LHX6: variants seen among roughly 807,000 people sequenced by gnomAD.
LHX6 encodes the protein LIM homeobox 6.
In LHX6, 15 loss-of-function variants were observed where a neutral mutation model predicts 47.1. The observed-to-expected ratio is 0.32, with a 90% CI of 0.21 to 0.49. The LOEUF (loss-of-function observed/expected upper bound fraction) is 0.49, where lower values mean the gene tolerates loss of function less well. LHX6 is among the 20% of genes least tolerant of loss of function. The pLI, the probability that LHX6 is intolerant of heterozygous loss-of-function variation, is 0.99. For missense variants in LHX6, 404 were observed against 539.6 expected (o/e 0.75, Z 2.49); for synonymous variants, 242 against 233.5 (o/e 1.04, Z -0.33).
At chr9:122,227,317 GAGC>G in intron 2 of LHX6, 89 bp downstream of exon 2, 1 of 1,255,998 alleles carries the variant, frequency 8.0e-7, no homozygotes, top group Non-Finnish European at 1.1e-6. Flanking sequence ...CCCAGAGCGT[GAGC>G]AGCAGTTCGT....
chr9:122,218,220 AGGGCCTGATCCC>A (rs1416854720), intron 4 of LHX6, among the ~76,000 whole-genome samples: 1 of 152,098 alleles, frequency 6.6e-6, no homozygotes, highest in African/African-American at 2.4e-5. Context: ...AAGTCAGCCC[AGGGCCTGATCCC>A]GGGCACCAGG....
chr9:122,204,706 G>T lies in LHX6; in HGVS notation c.*54C>A. 1 of 1,590,510 alleles carries T rather than the reference G, an allele frequency of 6.3e-7. No homozygotes were observed. The highest frequency in any genetic ancestry group is 8.6e-7 in the Non-Finnish European group (1 of 1,168,128). On this transcript the variant is annotated 3_prime_UTR_variant, in exon 10 of 10. Transcript: ENST00000394319. The stretch of plus-strand genomic sequence containing the variant: ...CGCAGCTTGGACACTGGATCTCAGC[G>T]GCTGAGGGGCAGCTGTGGGGCGCCC...
At chr9:122,223,732 A>C (rs1041985256) in intron 4 of LHX6, among the ~76,000 whole-genome samples, 3 of 152,216 alleles carry the variant, frequency 2.0e-5, no homozygotes, top group African/African-American at 7.2e-5. Context: ...TGAACAGTGG[A>C]GTCAGGATCC....
chr9:122,206,574 A>G (rs1830189351), intron 9 of LHX6, among the ~76,000 whole-genome samples: 1 of 152,232 alleles, frequency 6.6e-6, no homozygotes, highest in African/African-American at 2.4e-5. Flanking sequence ...ACTCTGGCTC[A>G]GCAGCCAAAT....
chr9:122,223,202 C>T (rs1738751136), intron 4 of LHX6, among the ~76,000 whole-genome samples: 1 of 152,078 alleles, frequency 6.6e-6, no homozygotes, highest in Admixed American at 6.5e-5. Flanking sequence ...ATGGGTTATG[C>T]CTGCAGGGGG....
intron 4 of LHX6, among the ~76,000 whole-genome samples, chr9:122,225,065 C>T (rs1831035620): frequency 6.6e-6 from 1 of 152,212 alleles, no homozygotes; most frequent in Non-Finnish European, 1.5e-5. Flanking sequence ...TCCCCCTAGA[C>T]TCAAGATCTT....
chr9:122,211,621 A>C (rs1168926765), intron 8 of LHX6, among the ~76,000 whole-genome samples: 4 of 152,224 alleles, frequency 2.6e-5, no homozygotes, highest in African/African-American at 9.6e-5. Flanking sequence ...GTCATGCAGC[A>C]GGAGGTGCAG....
chr9:122,214,069 C>A lies in LHX6; in HGVS notation c.784G>T (p.Val262Phe). 1 of 1,600,360 alleles carries A rather than the reference C, an allele frequency of 6.2e-7. No individual in the cohort carries two copies. The highest frequency in any genetic ancestry group is 8.5e-7 in the Non-Finnish European group (1 of 1,179,082). Residue 262 changes from valine to phenylalanine, a missense_variant and splice_region_variant, in exon 7 of 10, where the codon GTT becomes TTT. By Grantham distance (50) the Val-to-Phe change is conservative. Coordinates refer to ENST00000394319, the MANE Select transcript of LHX6 (RefSeq NM_014368.5). This position sits in a 1 kb window ranked among gnomAD's most constrained non-coding sequence, Gnocchi z 4.6. ...RTSFTAEQLQ[V>F]MQAQFAQDNN... Reference sequence around the variant, plus strand: ...TCCTGCGCGAACTGCGCCTGCATAACCTGCGGGGCGGGGAGGGCGGTGAGG... The same window carrying A: ...TCCTGCGCGAACTGCGCCTGCATAAACTGCGGGGCGGGGAGGGCGGTGAGG...
Position 122,204,467 on chromosome 9 carries a change from G to A in LHX6, c.*293C>T. ...CCTTTTGTTATTGTAATCAGCTGAA[G>A]TTGAAGAGGACTCCTGTTTAAATGG... is the stretch of plus-strand genomic sequence containing the variant. On this transcript the variant is annotated 3_prime_UTR_variant, in exon 10 of 10. Transcript: ENST00000394319. The A allele has an allele frequency of 2.5e-6, 1 of 403,414 alleles. No homozygotes were observed. Among genetic ancestry groups the A allele is most frequent in the African/African-American group, 2.0e-5 (1 of 48,850 alleles). The allele number at this position is 403,414 out of a possible 1,614,324, so 25.0% of individuals were successfully genotyped here.
Position 122,226,594 on chromosome 9 carries a change from G to T in LHX6, c.340-97C>A. On this transcript the variant is annotated intron_variant, in intron 3 of 9. Transcript: ENST00000394319. This position sits in a 1 kb window ranked among gnomAD's most constrained non-coding sequence, Gnocchi z 6.5. ...CTCATTTACAGTCAGAGGCGCTGAA[G>T]CTCAGAAGGTGCATGCGATTCCCCT... 1 of 1,516,038 alleles carries T rather than the reference G, an allele frequency of 6.6e-7. No homozygotes were observed. The highest frequency in any genetic ancestry group is 8.9e-7 in the Non-Finnish European group (1 of 1,129,672). The allele number at this position is 1,516,038 out of a possible 1,614,324, so 93.9% of individuals were successfully genotyped here. A position where few individuals can be genotyped will look rare whatever the true frequency, so the allele number is the denominator to read the frequency against.
chr9:122,228,692 G>C lies in LHX6; in HGVS notation c.49C>G (p.Arg17Gly). ...NAAPALPEGC[R>G]LPAEGGPATD... is the part of the protein sequence containing the mutation. ...GCGGGGCCGCCCTCGGCCGGCAGCC[G>C]GCAGCCCTCGGGCAACGCCGGGGCG... is the stretch of plus-strand genomic sequence containing the variant. Residue 17 changes from arginine to glycine, a missense_variant, in exon 1 of 10, where the codon CGG becomes GGG. Physicochemically the swap from Arg to Gly is moderately radical, Grantham distance 125. Transcript: ENST00000394319. 7.7e-7 allele frequency: 1 copy of C among 1,291,906 alleles called. No homozygotes were observed. The highest frequency in any genetic ancestry group is 2.6e-5 in the South Asian group (1 of 37,934). The allele number at this position is 1,291,906 out of a possible 1,614,324, so 80.0% of individuals were successfully genotyped here.
intron 5 of LHX6, among the ~76,000 whole-genome samples, chr9:122,216,702 A>G (rs1296212699): frequency 1.3e-5 from 2 of 152,038 alleles, no homozygotes; most frequent in Admixed American, 1.3e-4. Flanking sequence ...CCCCAGGCCA[A>G]TGAGAGCTGT....
rs969281689 is a variant in LHX6, at chr9:122,226,557, A to G, written c.340-60T>C. 8.9e-6 allele frequency: 14 copies of G among 1,576,798 alleles called. No individual in the cohort carries two copies. In the South Asian group the frequency reaches 1.0e-4, roughly 12 times the overall value. On this transcript the variant is annotated intron_variant, in intron 3 of 9. Transcript: ENST00000394319. The surrounding 1 kb of genome is among the most constrained non-coding windows in gnomAD (Gnocchi z 6.5). Reference sequence around the variant, plus strand: ...GCGGGCCTCTTTCACTCCGGGCCCCAGCCTTCCCGGTCTCATTTACAGTCA... The same window carrying G: ...GCGGGCCTCTTTCACTCCGGGCCCCGGCCTTCCCGGTCTCATTTACAGTCA...
In LHX6 at chr9:122,214,103, C is replaced by A. The variant is rs766046550; in HGVS notation, c.784-34G>T. 6.4e-7 allele frequency: 1 copy of A among 1,568,658 alleles called. No homozygotes were observed. The highest frequency in any genetic ancestry group is 8.6e-7 in the Non-Finnish European group (1 of 1,157,410). On this transcript the variant is annotated intron_variant, in intron 6 of 9. Transcript: ENST00000394319. The surrounding 1 kb of genome is among the most constrained non-coding windows in gnomAD (Gnocchi z 4.6). ...CGGGGAGGGCGGTGAGGCGCTCGCA[C>A]GCAGAGACTCCGAGACCCCGGCCCA... is the stretch of plus-strand genomic sequence containing the variant.
chr9:122,227,441 G>A lies in LHX6; in HGVS notation c.124C>T (p.Arg42Cys), dbSNP rs753262130. The A allele has an allele frequency of 3.9e-6, 6 of 1,533,460 alleles. No homozygotes were observed. The Admixed American group carries it at 1.2e-4, about 30-fold the overall frequency. 95.0% of individuals were successfully genotyped at this position (1,533,460 alleles called of 1,614,324 possible). Residue 42 changes from arginine to cysteine, a missense_variant, in exon 2 of 10, where the codon CGC (arginine) becomes TGC (cysteine). This residue lies in a region of LHX6 where 144 missense variants were observed against 128.7 expected (regional missense o/e 1.12). Transcript: ENST00000394319. ...GGCGGCGCGGTCCCTTCAAGACAGC[G>A]GGTGGTCGCTTTGCAGCCGGACCCT... ...QPGSGCKATT[R>C]CLEGTAPPAM...
In LHX6 at chr9:122,217,108, G is replaced by A. The variant is rs1830623785; in HGVS notation, c.642C>T (p.Tyr214=). 5 of 1,614,086 alleles carry A rather than the reference G, an allele frequency of 3.1e-6. No homozygotes were observed. Among genetic ancestry groups the A allele is most frequent in the Non-Finnish European group, 4.2e-6 (5 of 1,180,028 alleles). Reference sequence around the variant, plus strand: ...TCTTGAGGTTCTCAATCATGGTGTCGTAGTGGATGCGGCAGAGCACCTTCT... The same window carrying A: ...TCTTGAGGTTCTCAATCATGGTGTCATAGTGGATGCGGCAGAGCACCTTCT... ...VEEKVLCRIH[Y]DTMIENLKRA... is the part of the protein sequence containing the mutation. Residue 214 remains tyrosine, a synonymous_variant, in exon 5 of 10, where the codon TAC becomes TAT. Coordinates refer to ENST00000394319, the MANE Select transcript of LHX6 (RefSeq NM_014368.5). This position sits in a 1 kb window ranked among gnomAD's most constrained non-coding sequence, Gnocchi z 4.9.
chr9:122,223,362 G>T (rs1248836771), intron 4 of LHX6, among the ~76,000 whole-genome samples: 2 of 152,198 alleles, frequency 1.3e-5, no homozygotes, highest in Non-Finnish European at 2.9e-5. Flanking sequence ...CTGCAGCCCA[G>T]AAATGGCCCA....
At position 122,214,268 on chromosome 9, in the gene LHX6, T is replaced by C. The variant is rs373860967; in HGVS notation, c.783+15A>G. 6.3e-4 allele frequency: 959 copies of C among 1,522,448 alleles called. 5 individuals carry two copies. In the African/African-American group the frequency reaches 0.011, roughly 18 times the overall value. 94.3% of individuals were successfully genotyped at this position (1,522,448 alleles called of 1,614,324 possible). A position where few individuals can be genotyped will look rare whatever the true frequency, so the allele number is the denominator to read the frequency against. On this transcript the variant is annotated intron_variant, in intron 6 of 9. Coordinates refer to ENST00000394319, the MANE Select transcript of LHX6 (RefSeq NM_014368.5). This position sits in a 1 kb window ranked among gnomAD's most constrained non-coding sequence, Gnocchi z 4.6. ...CCCGGCCCCCGCCCCCGCCGCCCACTGCTTGCAGCGGTACCTGCAGCTGTT... is the reference window on the plus strand; with the variant it reads ...CCCGGCCCCCGCCCCCGCCGCCCACCGCTTGCAGCGGTACCTGCAGCTGTT...
chr9:122,209,603 G>C lies in LHX6; in HGVS notation c.1158+11C>G. On this transcript the variant is annotated intron_variant, in intron 9 of 9. Coordinates refer to ENST00000394319, the MANE Select transcript of LHX6 (RefSeq NM_014368.5). ...GCTCTGACCCACCAGACCCAACCTG[G>C]CTCCATTTACCTTCTCACCCCGGTT... 6.2e-7 allele frequency: 1 copy of C among 1,613,304 alleles called. No individual in the cohort carries two copies. Among genetic ancestry groups the C allele is most frequent in the South Asian group, 1.1e-5 (1 of 91,048 alleles).
Sources: gnomAD v4.1 joint callset for allele counts (sites outside exome capture counted in the v4.1 genomes callset) on GRCh38, gnomAD v4.1.1 for gene constraint, gnomAD v4.1.1 regional missense constraint, Gnocchi (gnomAD v3.1) non-coding constraint, MANE v1.5 for transcripts, NCBI Gene and HGNC (gene_info 2026-07-23, HGNC 2026-07-21) for gene names.